Variants in CEACAM3 observed in about 807,000 individuals in gnomAD.
CEACAM3 encodes CEA cell adhesion molecule 3, also known as cell adhesion molecule CEACAM3.
In CEACAM3, 32 loss-of-function variants were observed where a neutral mutation model predicts 30.1. The observed-to-expected ratio is 1.06, with a 90% CI of 0.80 to 1.43. The LOEUF (loss-of-function observed/expected upper bound fraction) is 1.43, where lower values mean the gene tolerates loss of function less well. Among genes scored for constraint, CEACAM3 ranks in the 40% most tolerant of loss-of-function variants. The probability of loss-of-function intolerance (pLI) is 0.00; values close to 1 mark genes in which losing one functional copy is unlikely to be tolerated. For synonymous variants in CEACAM3, 134 were observed against 127.2 expected (o/e 1.05, Z -0.36); for missense variants, 290 against 316.3 (o/e 0.92, Z 0.63).
intron 1 of CEACAM3, among the ~76,000 whole-genome samples, chr19:41,796,975 C>T (rs1396405789): frequency 6.6e-6 from 1 of 152,212 alleles, no homozygotes; most frequent in Non-Finnish European, 1.5e-5. Context: ...CTGGCCACTA[C>T]AATTAGAAAA....
intron 2 of CEACAM3, among the ~76,000 whole-genome samples, chr19:41,802,065 A>G (rs2073153837): frequency 1.3e-5 from 2 of 152,234 alleles, no homozygotes; most frequent in African/African-American, 2.4e-5. Flanking sequence ...TGAGGCTAGA[A>G]GCCAGATGAA....
chr19:41,805,187 G>T (rs1194400829), intron 2 of CEACAM3, among the ~76,000 whole-genome samples: 2 of 151,068 alleles, frequency 1.3e-5, no homozygotes, highest in Non-Finnish European at 2.9e-5. Context: ...CAGATCTCTA[G>T]AACCTCCATA....
At chr19:41,810,531 C>A (rs900165570) in intron 5 of CEACAM3, among the ~76,000 whole-genome samples, 177 bp downstream of exon 5, 3 of 152,148 alleles carry the variant, frequency 2.0e-5, no homozygotes, top group Admixed American at 6.5e-5. Context: ...GGACCACCCA[C>A]GCCCTGTGCT....
chr19:41,809,937 C>T (rs2073234901), intron 3 of CEACAM3, 28 bp from the exon 4 acceptor site: 9 of 1,612,736 alleles, frequency 5.6e-6, no homozygotes, highest in Non-Finnish European at 6.8e-6. Context: ...AACCTGGCAC[C>T]CTCCCAAATG....
At chr19:41,810,210 C>T (rs1254183676) in intron 4 of CEACAM3, 113 bp from the exon 5 acceptor site, 1 of 1,421,832 alleles carries the variant, frequency 7.0e-7, no homozygotes, top group Non-Finnish European at 9.8e-7. Context: ...CATGGGTCAC[C>T]TCCCCAACCT....
Position 41,808,920 on chromosome 19 carries a change from A to G in CEACAM3, c.532A>G (p.Lys178Glu), listed in dbSNP as rs191651318. The change falls in exon 3 of 7, where the codon AAA (lysine) becomes GAA (glutamate). Residue 178 changes from lysine (K) to glutamate (E), a missense_variant. By Grantham distance (56) the Lys-to-Glu change is moderately conservative (BLOSUM62 1). Coordinates refer to ENST00000357396, the MANE Select transcript of CEACAM3 (RefSeq NM_001815.5). The part of the protein sequence containing the change: ...AALVCFLLLA[K>E]TGRTSIQRDL... ...GCTGGTGTGTTTCCTGCTCCTTGCC[A>G]AAACTGGAAGGTACCACAGCTTTTT... 23 of 1,585,730 alleles carry G rather than the reference A, an allele frequency of 1.5e-5. No homozygotes were observed. The African/African-American group carries it at 3.0e-4, about 21-fold the overall frequency.
At position 41,797,677 on chromosome 19, in the gene CEACAM3, G is replaced by A. The variant is rs1475809035; in HGVS notation, c.153G>A (p.Val51=). 2 of 1,614,014 alleles carry A rather than the reference G, an allele frequency of 1.2e-6. No individual in the cohort carries two copies. Among genetic ancestry groups the A allele is most frequent in the Non-Finnish European group, 1.7e-6 (2 of 1,180,038 alleles). ...TCAGTGTCGCAGAGGGGAAGGAGGT[G>A]CTTCTACTTGTCCACAATCTGCCCC... is the stretch of plus-strand genomic sequence containing the variant. ...MPLSVAEGKE[V]LLLVHNLPQH... is the part of the protein sequence containing the mutation. Residue 51 remains valine (V), a synonymous_variant, in exon 2 of 7, where the codon GTG becomes GTA. Transcript: ENST00000357396.
In CEACAM3 at chr19:41,808,913, C is replaced by T. The variant is rs2073226251; in HGVS notation, c.525C>T (p.Leu175=). ...TGGCCGCGCTGGTGTGTTTCCTGCT[C>T]CTTGCCAAAACTGGAAGGTACCACA... ...ALVAALVCFL[L]LAKTGRTSIQ... is the part of the protein sequence containing the mutation. Residue 175 remains leucine (L), a synonymous_variant, in exon 3 of 7, where the codon CTC becomes CTT. Transcript: ENST00000357396. The T allele has an allele frequency of 4.4e-6, 7 of 1,592,402 alleles. No homozygotes were observed. Among genetic ancestry groups the T allele is most frequent in the Non-Finnish European group, 6.0e-6 (7 of 1,170,516 alleles).
At chr19:41,803,750 G>GTGTGAACTA (rs2073175603) in intron 2 of CEACAM3, among the ~76,000 whole-genome samples, 1 of 86,124 alleles carries the variant, frequency 1.2e-5, no homozygotes, top group Admixed American at 1.2e-4. Flanking sequence ...ACAGGCATGA[G>GTGTGAACTA]CCACCATGCC....
At chr19:41,809,392 T>G in intron 3 of CEACAM3, 1 of 166,274 alleles carries the variant, frequency 6.0e-6, no homozygotes, top group Non-Finnish European at 1.3e-5. Flanking sequence ...GTGCCCCCCA[T>G]GGCTGATGTG....
intron 3 of CEACAM3, 37 bp downstream of exon 3, chr19:41,808,967 A>G: frequency 7.0e-7 from 1 of 1,437,456 alleles, no homozygotes. Flanking sequence ...CCCACCCCCT[A>G]GGCTGACTCC....
intron 2 of CEACAM3, among the ~76,000 whole-genome samples, chr19:41,803,695 C>T (rs1315840141): frequency 8.1e-6 from 1 of 122,810 alleles, no homozygotes; most frequent in Non-Finnish European, 2.0e-5. Flanking sequence ...CTCGACCTCC[C>T]AACCTCATGA....
intron 6 of CEACAM3, 113 bp downstream of exon 6, chr19:41,811,010 C>CG: frequency 7.8e-7 from 1 of 1,280,388 alleles, no homozygotes; most frequent in Non-Finnish European, 1.1e-6. Context: ...AAAATAAGAA[C>CG]GGGGGTGGCG....
chr19:41,796,728 G>A lies in CEACAM3; in HGVS notation c.51G>A (p.Gly17=), dbSNP rs1555825266. Residue 17 remains glycine (G), a synonymous_variant, in exon 1 of 7, where the codon GGG becomes GGA. Transcript: ENST00000357396. ...ACAGAGAATGCATCCCCTGGCAGGG[G>A]CTTCTGCTCACAGGTGAGTGGAGGA... The part of the protein sequence containing the change: ...SPHRECIPWQ[G]LLLTASLLNF... 2 of 1,613,418 alleles carry A rather than the reference G, an allele frequency of 1.2e-6. No homozygotes were observed. The highest frequency in any genetic ancestry group is 1.7e-5 in the Admixed American group (1 of 59,936).
chr19:41,798,649 G>A (rs528752542), intron 2 of CEACAM3, among the ~76,000 whole-genome samples: 71 of 152,314 alleles, frequency 4.7e-4, no homozygotes, highest in African/African-American at 1.6e-3. Context: ...AGTATCCCCA[G>A]GGGGAGGAAA....
Position 41,798,656 on chromosome 19 carries a change from G to A in CEACAM3, c.424+708G>A, listed in dbSNP as rs1027471329. On this transcript the variant is annotated intron_variant, in intron 2 of 6. Transcript: ENST00000357396. ...GGAAGTTCAGTATCCCCAGGGGGAG[G>A]AAAAAGAAGAGAGAAGATGCTCCCA... Among the ~76,000 whole-genome samples, 11 of 152,206 alleles carry A rather than the reference G, an allele frequency of 7.2e-5. 1 individual carries two copies. The highest frequency in any genetic ancestry group is 7.2e-4 in the Admixed American group (11 of 15,282).
In CEACAM3 at chr19:41,798,426, C is replaced by T. The variant is rs367593694; in HGVS notation, c.424+478C>T. 1.1e-3 allele frequency among the ~76,000 whole-genome samples: 164 copies of T among 152,326 alleles called. 1 individual carries two copies. Among genetic ancestry groups the T allele is most frequent in the African/African-American group, 3.8e-3 (158 of 41,574 alleles). On this transcript the variant is annotated intron_variant, in intron 2 of 6. Coordinates refer to ENST00000357396, the MANE Select transcript of CEACAM3 (RefSeq NM_001815.5). ...CCAGGGCTGAGTGAGGCCTCCTGGG[C>T]AGGGCTGACTGGGAGCAAGAATTTA...
At chr19:41,808,683 C>T in intron 2 of CEACAM3, 130 bp from the exon 3 acceptor site, 1 of 729,174 alleles carries the variant, frequency 1.4e-6, no homozygotes, top group South Asian at 1.7e-5. Flanking sequence ...ATGAGGACAA[C>T]ACAAGAGACT....
intron 2 of CEACAM3, among the ~76,000 whole-genome samples, chr19:41,803,674 T>G (rs368129862): frequency 2.3e-4 from 24 of 105,180 alleles, no homozygotes; most frequent in Admixed American, 6.1e-4. Context: ...CACCGTGTTA[T>G]CCAGGATGGT....
Sources: allele counts gnomAD v4.1 joint callset (sites outside exome capture counted in the v4.1 genomes callset), GRCh38; gene constraint gnomAD v4.1.1; transcripts MANE v1.5; gene names NCBI Gene and HGNC (gene_info 2026-07-23, HGNC 2026-07-21).